The following GSDMC variants were observed in gnomAD, a reference collection of about 807,000 sequenced individuals.
GSDMC encodes the protein gasdermin-C.
In GSDMC, 59 loss-of-function variants were observed where a neutral mutation model predicts 58.0. The ratio of observed to expected loss-of-function variants is 1.02; its 90% CI spans 0.82 to 1.26. The LOEUF is 1.26. Ranked by LOEUF, GSDMC falls within the 50% of genes most tolerant of loss-of-function variation. The pLI, the probability that GSDMC is intolerant of heterozygous loss-of-function variation, is 0.00. For synonymous variants in GSDMC, 241 were observed against 220.2 expected (o/e 1.09, Z -0.83); for missense variants, 659 against 598.5 (o/e 1.10, Z -1.06).
chr8:129,750,361 G>T, intron 11 of GSDMC, 70 bp downstream of exon 11: 1 of 1,420,844 alleles, frequency 7.0e-7, no homozygotes, highest in Non-Finnish European at 9.6e-7. Context: ...CATGTAACTT[G>T]GGAGTCATAT....
intron 4 of GSDMC, among the ~76,000 whole-genome samples, chr8:129,764,588 G>A (rs1005040854): frequency 1.4e-4 from 21 of 152,144 alleles, no homozygotes; most frequent in Admixed American, 7.9e-4. Context: ...AAGGTCTTCT[G>A]CCAGAGTGGG....
At chr8:129,756,739 C>T (rs1423387225) in intron 6 of GSDMC, among the ~76,000 whole-genome samples, 1 of 151,910 alleles carries the variant, frequency 6.6e-6, no homozygotes, top group Non-Finnish European at 1.5e-5. Flanking sequence ...AACTAGAAAT[C>T]AACAATAAGA....
chr8:129,730,507 A>T, the GSDMC span: 2 of 581,034 alleles, frequency 3.4e-6, no homozygotes, highest in Admixed American at 3.8e-5. Flanking sequence ...ACATCCACAT[A>T]GTGTAAAAAT....
At chr8:129,742,336 C>A in the GSDMC span, among the ~76,000 whole-genome samples, 1 of 152,162 alleles carries the variant, frequency 6.6e-6, no homozygotes, top group African/African-American at 2.4e-5. Context: ...ATGGAATCAT[C>A]CCCTATTGTA....
intron 1 of GSDMC, among the ~76,000 whole-genome samples, chr8:129,784,933 C>A (rs938120480): frequency 2.0e-4 from 31 of 151,914 alleles, no homozygotes; most frequent in African/African-American, 7.2e-4. Flanking sequence ...ATGAGATTGG[C>A]TGGGTGCGGT....
At chr8:129,776,028 A>G (rs1012104416) in intron 3 of GSDMC, 74 bp downstream of exon 3, 27 of 1,136,328 alleles carry the variant, frequency 2.4e-5, no homozygotes, top group Non-Finnish European at 3.0e-5. Flanking sequence ...GACTTGCTAG[A>G]TGTATTTTTG....
rs546815904 is a variant in GSDMC at position 129,776,366 on chromosome 8, G to A, written c.221-81C>T. ...AGGTTTAGCCAAGAACAGCTGGTGTGCAAAATGAAATAACAAAGACCTATT... is the reference window on the plus strand; with the variant it reads ...AGGTTTAGCCAAGAACAGCTGGTGTACAAAATGAAATAACAAAGACCTATT... On this transcript the variant is annotated intron_variant, in intron 2 of 13. Coordinates refer to ENST00000276708, the MANE Select transcript of GSDMC (RefSeq NM_031415.3). 26 of 1,121,320 alleles carry A rather than the reference G, an allele frequency of 2.3e-5. No homozygotes were observed. The East Asian group carries it at 6.4e-4, about 28-fold the overall frequency. The allele number at this position is 1,121,320 out of a possible 1,614,324, so 69.5% of individuals were successfully genotyped here. A position where few individuals can be genotyped will look rare whatever the true frequency, so the allele number is the denominator to read the frequency against.
chr8:129,752,308 G>C (rs567864726), intron 7 of GSDMC, among the ~76,000 whole-genome samples, 161 bp from the exon 8 acceptor site: 49 of 152,202 alleles, frequency 3.2e-4, no homozygotes, highest in African/African-American at 1.2e-3. Context: ...CAGAGAGATG[G>C]ATCCCCAGGC....
At position 129,762,622 on chromosome 8, in the gene GSDMC, C is replaced by G; in HGVS notation, c.676+4G>C. 6.3e-7 allele frequency: 1 copy of G among 1,588,698 alleles called. No homozygotes were observed. Among genetic ancestry groups the G allele is most frequent in the Non-Finnish European group, 8.6e-7 (1 of 1,156,634 alleles). On this transcript the variant is annotated splice_donor_region_variant and intron_variant, in intron 5 of 13. Transcript: ENST00000276708. ...TCTGCCTTGCTGAGCTCCGCTGCTC[C>G]CACCTTTCTCCTTGATAACCAGCTG...
chr8:129,752,118 C>T lies in GSDMC; in HGVS notation c.874G>A (p.Gly292Arg), dbSNP rs373573200. The part of the protein sequence containing the change: ...ELFLTQQFLS[G>R]HLPKYEQVHI... ...AGATTCCACTCACTTGGCAAATGCC[C>T]GCTCAAAAATTGCTGTGTCAGAAAT... Residue 292 changes from glycine to arginine, a missense_variant, in exon 8 of 14, where the codon GGG (glycine) becomes AGG (arginine). By Grantham distance (125) the Gly-to-Arg change is moderately radical. Coordinates refer to ENST00000276708, the MANE Select transcript of GSDMC (RefSeq NM_031415.3). 81 of 1,613,384 alleles carry T rather than the reference C, an allele frequency of 5.0e-5. 1 individual carries two copies. Among genetic ancestry groups the T allele is most frequent in the South Asian group, 4.1e-4 (37 of 91,042 alleles).
intron 1 of GSDMC, among the ~76,000 whole-genome samples, chr8:129,784,381 C>T (rs192793796): frequency 2.2e-4 from 33 of 151,942 alleles, no homozygotes; most frequent in African/African-American, 7.7e-4. Flanking sequence ...ATAAGGAGCC[C>T]ACACAACTCT....
At chr8:129,732,810 G>C in the GSDMC span, among the ~76,000 whole-genome samples, 14 of 152,210 alleles carry the variant, frequency 9.2e-5, no homozygotes, top group Non-Finnish European at 1.6e-4. Context: ...AGGACTGGTT[G>C]GACAGTGGGT....
In GSDMC at chr8:129,751,479, T is replaced by C. The variant is rs1038512366; in HGVS notation, c.943+63A>G. ...TCTGACTTGCATAGAAACCACCAAC[T>C]TGGGTGCTCAGACTTGCAGCTCCCA... On this transcript the variant is annotated intron_variant, in intron 10 of 13. Coordinates refer to ENST00000276708, the MANE Select transcript of GSDMC (RefSeq NM_031415.3). 9.3e-5 allele frequency: 130 copies of C among 1,394,450 alleles called. 2 individuals are homozygous for C. In the Admixed American group the frequency reaches 1.2e-3, roughly 13 times the overall value. 86.4% of individuals were successfully genotyped at this position (1,394,450 alleles called of 1,614,324 possible).
the GSDMC span, among the ~76,000 whole-genome samples, chr8:129,705,926 T>C: frequency 9.2e-5 from 14 of 152,222 alleles, no homozygotes; most frequent in Non-Finnish European, 2.1e-4. Context: ...ATTTTATTGG[T>C]TCTACTTGGT....
At chr8:129,722,414 A>G in the GSDMC span, among the ~76,000 whole-genome samples, 1 of 152,202 alleles carries the variant, frequency 6.6e-6, no homozygotes, top group Non-Finnish European at 1.5e-5. Flanking sequence ...TTACATAAGA[A>G]TTCACCTGTC....
intron 1 of GSDMC, among the ~76,000 whole-genome samples, chr8:129,782,790 A>G (rs1446095993): frequency 6.6e-6 from 1 of 152,098 alleles, no homozygotes; most frequent in Non-Finnish European, 1.5e-5. Context: ...TTAAAGAAGA[A>G]CTAATACCAA....
intron 5 of GSDMC, among the ~76,000 whole-genome samples, chr8:129,761,945 C>T (rs1465548729): frequency 6.6e-6 from 1 of 152,144 alleles, no homozygotes. Flanking sequence ...GAAGGAGGAG[C>T]TGAACTCGAT....
the GSDMC span, among the ~76,000 whole-genome samples, chr8:129,717,316 T>C: frequency 6.6e-6 from 1 of 151,026 alleles, no homozygotes; most frequent in African/African-American, 2.4e-5. Flanking sequence ...GAACTTGTTA[T>C]TGGTCTATTC....
chr8:129,772,426 A>G (rs2034092576), intron 3 of GSDMC, among the ~76,000 whole-genome samples: 2 of 152,122 alleles, frequency 1.3e-5, no homozygotes, highest in South Asian at 4.1e-4. Flanking sequence ...AAATAAAATT[A>G]TAGTTAAAAG....
Sources: allele counts gnomAD v4.1 joint callset (sites outside exome capture counted in the v4.1 genomes callset), GRCh38; gene constraint gnomAD v4.1.1; transcripts MANE v1.5; gene names NCBI Gene and HGNC (gene_info 2026-07-23, HGNC 2026-07-21).